ANKRD29: variants seen among roughly 807,000 people sequenced by gnomAD.
The protein encoded by ANKRD29 is ankyrin repeat domain 29.
ANKRD29 carries 32 observed loss-of-function variants against 38.0 expected under a neutral mutation model. The ratio of observed to expected loss-of-function variants is 0.84; its 90% CI spans 0.64 to 1.13. The LOEUF (loss-of-function observed/expected upper bound fraction) is 1.13, where lower values mean the gene tolerates loss of function less well. Ranked by LOEUF, ANKRD29 falls within the 50% of genes most tolerant of loss-of-function variation. The pLI is 0.00. For synonymous variants in ANKRD29, 135 were observed against 152.4 expected (o/e 0.89, Z 0.84); for missense variants, 357 against 377.9 (o/e 0.94, Z 0.46).
At chr18:23,657,596 T>C (rs979435064) in intron 1 of ANKRD29, among the ~76,000 whole-genome samples, 20 of 152,178 alleles carry the variant, frequency 1.3e-4, no homozygotes, top group Admixed American at 1.1e-3. Context: ...TCCCCTCCTC[T>C]TCCCCAGCCC....
intron 2 of ANKRD29, 118 bp from the exon 3 acceptor site, chr18:23,646,405 C>A: frequency 1.4e-6 from 1 of 735,206 alleles, no homozygotes; most frequent in Non-Finnish European, 2.2e-6. Flanking sequence ...GGCAAAATTC[C>A]CTGCAGTGAT....
At chr18:23,645,778 G>A (rs1029694346) in intron 3 of ANKRD29, among the ~76,000 whole-genome samples, 2 of 152,158 alleles carry the variant, frequency 1.3e-5, no homozygotes, top group Non-Finnish European at 2.9e-5. Context: ...AACATGGTTT[G>A]GGGAGGATGA....
At chr18:23,641,269 C>T (rs114596467) in intron 3 of ANKRD29, among the ~76,000 whole-genome samples, 197 of 152,294 alleles carry the variant, frequency 1.3e-3, no homozygotes, top group Admixed American at 3.0e-3. Context: ...TGTGCGGGAG[C>T]AGCCATGCCC....
At chr18:23,651,956 G>C (rs2060215621) in intron 1 of ANKRD29, among the ~76,000 whole-genome samples, 1 of 152,238 alleles carries the variant, frequency 6.6e-6, no homozygotes, top group Non-Finnish European at 1.5e-5. Context: ...GAGGGAATAG[G>C]AAAGTGGATT....
chr18:23,642,718 C>T (rs1455208683), intron 3 of ANKRD29, among the ~76,000 whole-genome samples: 1 of 152,190 alleles, frequency 6.6e-6, no homozygotes, highest in African/African-American at 2.4e-5. Flanking sequence ...CAACAAAAGA[C>T]CCAAGAAACT....
intron 5 of ANKRD29, among the ~76,000 whole-genome samples, chr18:23,631,231 C>T (rs2059928407): frequency 6.7e-6 from 1 of 150,080 alleles, no homozygotes; most frequent in Non-Finnish European, 1.5e-5. Context: ...GACCTTGTCT[C>T]TCTCTCTCTT....
intron 6 of ANKRD29, among the ~76,000 whole-genome samples, chr18:23,625,487 G>A (rs1406956844): frequency 6.6e-6 from 1 of 152,060 alleles, no homozygotes; most frequent in African/African-American, 2.4e-5. Flanking sequence ...AAGGAGTGGG[G>A]AGAAACAGAG....
At chr18:23,613,922 G>A (rs568375860) in intron 8 of ANKRD29, among the ~76,000 whole-genome samples, 24 of 152,080 alleles carry the variant, frequency 1.6e-4, no homozygotes, top group Non-Finnish European at 3.2e-4. Flanking sequence ...TGTAGAGACA[G>A]GGTTTCATCA....
In ANKRD29 at chr18:23,601,274, T is replaced by C; in HGVS notation, c.858A>G (p.Glu286=). ...TACTTCTCAGGAGACGCAATATACG[T>C]TCATTTTTGGTTAGTTCTGCCGGAA... is the stretch of plus-strand genomic sequence containing the variant. ...NELPAELTKN[E]RILRLLRSKE... Residue 286 remains glutamate (E), a synonymous_variant, in exon 10 of 10, where the codon GAA becomes GAG. Coordinates refer to ENST00000592179, the MANE Select transcript of ANKRD29 (RefSeq NM_173505.4). The C allele has an allele frequency of 6.2e-7, 1 of 1,614,102 alleles. No individual in the cohort carries two copies. The highest frequency in any genetic ancestry group is 8.5e-7 in the Non-Finnish European group (1 of 1,179,998).
intron 1 of ANKRD29, among the ~76,000 whole-genome samples, chr18:23,662,221 T>C (rs1282575617): frequency 6.6e-6 from 1 of 152,228 alleles, no homozygotes; most frequent in African/African-American, 2.4e-5. Flanking sequence ...TTAGATGGAA[T>C]GACTTTAATC....
intron 5 of ANKRD29, among the ~76,000 whole-genome samples, chr18:23,632,128 A>G (rs1443300790): frequency 1.3e-5 from 2 of 152,248 alleles, no homozygotes; most frequent in Non-Finnish European, 2.9e-5. Flanking sequence ...TAAGAAATTA[A>G]TCAGCCTGTA....
At chr18:23,654,949 G>T (rs1046516269) in intron 1 of ANKRD29, among the ~76,000 whole-genome samples, 2 of 152,044 alleles carry the variant, frequency 1.3e-5, no homozygotes, top group Non-Finnish European at 2.9e-5. Flanking sequence ...GACTTCAATC[G>T]TACACTTATT....
chr18:23,656,035 G>C (rs2060277823), intron 1 of ANKRD29, among the ~76,000 whole-genome samples: 1 of 148,980 alleles, frequency 6.7e-6, no homozygotes, highest in Admixed American at 6.7e-5. Flanking sequence ...GGAGCTTGCA[G>C]TGAGCCGAGA....
At chr18:23,645,930 A>AT (rs1427035393) in intron 3 of ANKRD29, among the ~76,000 whole-genome samples, 7 of 152,074 alleles carry the variant, frequency 4.6e-5, no homozygotes, top group East Asian at 1.9e-4. Flanking sequence ...TTTAAGCTTG[A>AT]TAAAAAAAAA....
chr18:23,659,708 A>G (rs1357624339), intron 1 of ANKRD29, among the ~76,000 whole-genome samples: 1 of 150,948 alleles, frequency 6.6e-6, no homozygotes, highest in Non-Finnish European at 1.5e-5. Flanking sequence ...GTGCCACTGT[A>G]CTCCAGCCTG....
At chr18:23,662,622 A>AC in intron 1 of ANKRD29, 88 bp downstream of exon 1, 1 of 65,712 alleles carries the variant, frequency 1.5e-5, no homozygotes, top group Non-Finnish European at 2.8e-5. Flanking sequence ...CGCCCACCCC[A>AC]TCCCACCCCA....
chr18:23,603,359 G>A (rs998291079), intron 9 of ANKRD29, among the ~76,000 whole-genome samples: 8 of 152,370 alleles, frequency 5.3e-5, no homozygotes, highest in East Asian at 1.9e-4. Flanking sequence ...CTGGCTGGGC[G>A]TGGTGGCTCA....
chr18:23,614,809 C>T (rs775595427), intron 8 of ANKRD29, among the ~76,000 whole-genome samples: 2 of 152,016 alleles, frequency 1.3e-5, no homozygotes, highest in Non-Finnish European at 2.9e-5. Context: ...AAAGAGCAGA[C>T]ACAAAATATC....
chr18:23,604,251 A>G (rs1290703234), intron 9 of ANKRD29, among the ~76,000 whole-genome samples: 2 of 152,330 alleles, frequency 1.3e-5, no homozygotes, highest in African/African-American at 4.8e-5. Flanking sequence ...GACCTTGCCC[A>G]TAAGTCCTGC....
Sources: allele counts gnomAD v4.1 joint callset (sites outside exome capture counted in the v4.1 genomes callset), GRCh38; gene constraint gnomAD v4.1.1; transcripts MANE v1.5; gene names NCBI Gene and HGNC (gene_info 2026-07-23, HGNC 2026-07-21).